ABCB4: variants seen among roughly 807,000 people sequenced by gnomAD.
The protein encoded by ABCB4 is phosphatidylcholine translocator ABCB4.
A neutral mutation model predicts 145.7 loss-of-function variants in ABCB4; 76 were observed. The observed-to-expected ratio is 0.52, with a 90% confidence interval of 0.43 to 0.63. ABCB4 has a LOEUF of 0.63. Ranked by LOEUF, ABCB4 falls within the 30% of genes least tolerant of loss-of-function variation. ABCB4 has a pLI of 0.00. For synonymous variants in ABCB4, 517 were observed against 566.8 expected, an observed-to-expected ratio of 0.91 and a Z score of 1.25; for missense variants, 1,234 against 1,553.1, an observed-to-expected ratio of 0.79 and a Z score of 3.45.
chr7:87,465,086 A>C (rs1812768014), intron 3 of ABCB4, among the ~76,000 whole-genome samples: 1 of 152,212 alleles, frequency 6.6e-6, no homozygotes, highest in Non-Finnish European at 1.5e-5. Flanking sequence ...GCATCCCCTC[A>C]CCCGAGAAGC....
intron 19 of ABCB4, among the ~76,000 whole-genome samples, chr7:87,419,788 G>GAA (rs200409056): frequency 6.6e-4 from 28 of 42,356 alleles, no homozygotes; most frequent in African/African-American, 1.6e-3. Flanking sequence ...CTATTTCTAT[G>GAA]AAAAAAAACA....
intron 16 of ABCB4, among the ~76,000 whole-genome samples, chr7:87,424,268 A>T (rs1023113697): frequency 2.6e-5 from 4 of 152,186 alleles, no homozygotes; most frequent in African/African-American, 9.7e-5. Flanking sequence ...TTCGGCCAAG[A>T]AATAACCTTC....
At chr7:87,465,090 G>A (rs1812768422) in intron 3 of ABCB4, among the ~76,000 whole-genome samples, 2 of 152,178 alleles carry the variant, frequency 1.3e-5, no homozygotes, top group Non-Finnish European at 1.5e-5. Context: ...CCCCTCACCC[G>A]AGAAGCACAA....
intron 15 of ABCB4, among the ~76,000 whole-genome samples, chr7:87,429,462 A>T (rs1443577253): frequency 6.6e-6 from 1 of 152,164 alleles, no homozygotes; most frequent in Non-Finnish European, 1.5e-5. Flanking sequence ...TAAGCTTGGG[A>T]ATTTGATATA....
chr7:87,413,846 A>G, intron 21 of ABCB4, 129 bp from the exon 22 acceptor site: 1 of 713,118 alleles, frequency 1.4e-6, no homozygotes, highest in South Asian at 1.5e-5. Flanking sequence ...CTTTAAATTA[A>G]AAACCAAAGG....
intron 16 of ABCB4, among the ~76,000 whole-genome samples, chr7:87,425,920 A>C (rs553380302): frequency 6.6e-6 from 1 of 152,296 alleles, no homozygotes; most frequent in East Asian, 1.9e-4. Context: ...ATTATTTGTT[A>C]ACTGGAGTTA....
rs1437732832 is a variant in ABCB4 at position 87,408,324 on chromosome 7, G to A, written c.3082-90C>T. On this transcript the variant is annotated intron_variant, in intron 24 of 27. Transcript: ENST00000649586. ...TTTCAAGGAAACTTTACCAAAGACT[G>A]TAGTAGAGAAACATAAAATTCATAT... is the stretch of plus-strand genomic sequence containing the variant. 4 of 1,277,492 alleles carry A rather than the reference G, an allele frequency of 3.1e-6. No individual in the cohort carries two copies. The African/African-American group carries it at 4.5e-5, about 14-fold the overall frequency. 79.1% of individuals were successfully genotyped at this position (1,277,492 alleles called of 1,614,324 possible). A position where few individuals can be genotyped will look rare whatever the true frequency, so the allele number is the denominator to read the frequency against.
At chr7:87,416,708 G>C (rs1365335384) in intron 21 of ABCB4, among the ~76,000 whole-genome samples, 3 of 152,152 alleles carry the variant, frequency 2.0e-5, no homozygotes, top group African/African-American at 7.2e-5. Flanking sequence ...CTCAGGTTCT[G>C]TATTTCTGAA....
Position 87,460,620 on chromosome 7 carries a change from TTGTA to T in ABCB4, c.286+2134_286+2137del, listed in dbSNP as rs1554412552. On this transcript the variant is annotated intron_variant, in intron 4 of 27. Transcript: ENST00000649586. ...CCATGTTGCTGGAAAGGACACAATT[TTGTA>T]TTTATTTATTTATTTATTTATTTAT... Among the ~76,000 whole-genome samples, 27 of 146,438 alleles carry T rather than the reference TTGTA, an allele frequency of 1.8e-4. 1 individual carries two copies. The East Asian group carries it at 2.0e-3, about 11-fold the overall frequency.
chr7:87,460,974 T>C (rs1812419234), intron 4 of ABCB4, among the ~76,000 whole-genome samples: 1 of 151,954 alleles, frequency 6.6e-6, no homozygotes, highest in Non-Finnish European at 1.5e-5. Context: ...AAGACTTTTT[T>C]TTTCTTGAGA....
At chr7:87,470,730 G>A (rs967451705) in intron 3 of ABCB4, among the ~76,000 whole-genome samples, 2 of 152,178 alleles carry the variant, frequency 1.3e-5, no homozygotes, top group African/African-American at 4.8e-5. Flanking sequence ...AGGTGCTGGA[G>A]AGGATGTGGA....
At chr7:87,450,601 G>T (rs1190827575) in intron 7 of ABCB4, among the ~76,000 whole-genome samples, 1 of 151,528 alleles carries the variant, frequency 6.6e-6, no homozygotes, top group Non-Finnish European at 1.5e-5. Flanking sequence ...CTCCCGAGTA[G>T]CTGGGACTAC....
At chr7:87,402,705 A>G (rs1562945868) in intron 27 of ABCB4, among the ~76,000 whole-genome samples, 2 of 152,180 alleles carry the variant, frequency 1.3e-5, no homozygotes, top group African/African-American at 4.8e-5. Context: ...CCATTACTTC[A>G]AAATAACCAC....
chr7:87,418,037 TCTC>T (rs1584696051), intron 20 of ABCB4, among the ~76,000 whole-genome samples: 1 of 152,134 alleles, frequency 6.6e-6, no homozygotes, highest in Non-Finnish European at 1.5e-5. Flanking sequence ...CATTCCTCCT[TCTC>T]CTGTTGTGTG....
downstream of ABCB4, among the ~76,000 whole-genome samples, chr7:87,396,917 TG>T (rs1807544949): frequency 6.6e-6 from 1 of 152,208 alleles, no homozygotes; most frequent in Admixed American, 6.5e-5. Flanking sequence ...TTTTGATGGT[TG>T]TATAATTTCC....
rs200629332 is a variant in ABCB4, at chr7:87,431,623, C to T, written c.1732-58G>A. The T allele has an allele frequency of 1.9e-6, 3 of 1,600,600 alleles. No homozygotes were observed. In the East Asian group the frequency reaches 6.7e-5, roughly 36 times the overall value. On this transcript the variant is annotated intron_variant, in intron 14 of 27. Transcript: ENST00000649586. ...ACAGTATTGGCACACTGTCAATTAACATGCACAGTTAAGCACTTGGATGAA... is the reference window on the plus strand; with the variant it reads ...ACAGTATTGGCACACTGTCAATTAATATGCACAGTTAAGCACTTGGATGAA...
intron 16 of ABCB4, among the ~76,000 whole-genome samples, chr7:87,425,702 C>T (rs1198174978): frequency 2.0e-5 from 3 of 151,680 alleles, no homozygotes; most frequent in African/African-American, 7.3e-5. Flanking sequence ...GGTAAAACCT[C>T]GTCTCTACAA....
chr7:87,416,624 A>G (rs1808994333), intron 21 of ABCB4, among the ~76,000 whole-genome samples: 2 of 152,216 alleles, frequency 1.3e-5, no homozygotes, highest in South Asian at 4.1e-4. Flanking sequence ...TAAAGAGACC[A>G]TATAGTAGAG....
In ABCB4 at chr7:87,438,151, T is replaced by C. The variant is rs1267012159; in HGVS notation, c.1731+1516A>G. Among the ~76,000 whole-genome samples, 4 of 152,192 alleles carry C rather than the reference T, an allele frequency of 2.6e-5. No individual in the cohort carries two copies. In the East Asian group the frequency reaches 5.8e-4, roughly 22 times the overall value. On this transcript the variant is annotated intron_variant, in intron 14 of 27. Coordinates refer to ENST00000649586, the MANE Select transcript of ABCB4 (RefSeq NM_000443.4). Reference sequence around the variant, plus strand: ...ACTCCAGGGCTGAATAGGACTCTTTTTTGTTTTTGATTTTTTGGTAAATAT... The same window carrying C: ...ACTCCAGGGCTGAATAGGACTCTTTCTTGTTTTTGATTTTTTGGTAAATAT...
Sources: gnomAD v4.1 joint callset for allele counts (sites outside exome capture counted in the v4.1 genomes callset) on GRCh38, gnomAD v4.1.1 for gene constraint, MANE v1.5 for transcripts, NCBI Gene and HGNC (gene_info 2026-07-23, HGNC 2026-07-21) for gene names.